Variants in SLCO1C1 observed in about 807,000 individuals in gnomAD.
SLCO1C1 encodes solute carrier organic anion transporter family member 1C1.
In SLCO1C1, 70 loss-of-function variants were observed where a neutral mutation model predicts 76.4. The ratio of observed to expected loss-of-function variants is 0.92; its 90% CI spans 0.76 to 1.12. SLCO1C1 has a LOEUF of 1.12. SLCO1C1 is among the 50% of genes most tolerant of loss of function. The pLI is 0.00. For missense variants in SLCO1C1, 912 were observed against 823.8 expected, an observed-to-expected ratio of 1.11 and a Z score of -1.31; for synonymous variants, 306 against 286.1, an observed-to-expected ratio of 1.07 and a Z score of -0.70.
At chr12:20,740,783 T>TATATA (rs1406774430) in intron 12 of SLCO1C1, among the ~76,000 whole-genome samples, 9,254 of 52,612 alleles carry the variant, frequency 0.18, 1,867 homozygotes, top group East Asian at 0.21. Flanking sequence ...AGAATTTATT[T>TATATA]TATTTATATA....
At chr12:20,726,819 C>A (rs546058007) in intron 9 of SLCO1C1, among the ~76,000 whole-genome samples, 3 of 152,224 alleles carry the variant, frequency 2.0e-5, no homozygotes, top group Non-Finnish European at 4.4e-5. Flanking sequence ...AGGTAGTGAG[C>A]ATAGTACCCA....
intron 14 of SLCO1C1, among the ~76,000 whole-genome samples, chr12:20,751,413 A>G (rs1949297931): frequency 7.9e-6 from 1 of 126,170 alleles, no homozygotes; most frequent in Non-Finnish European, 1.8e-5. Flanking sequence ...TGCAAAAAGC[A>G]TTGAAGCAAT....
chr12:20,724,847 T>C (rs1565524274), intron 9 of SLCO1C1, among the ~76,000 whole-genome samples: 2 of 145,868 alleles, frequency 1.4e-5, no homozygotes, highest in Admixed American at 6.9e-5. Flanking sequence ...TAATAGATAA[T>C]ATAATAATAT....
intron 3 of SLCO1C1, 35 bp downstream of exon 3, chr12:20,701,494 C>A: frequency 7.0e-7 from 1 of 1,421,362 alleles, no homozygotes; most frequent in Non-Finnish European, 9.4e-7. Context: ...TAATTTTAAG[C>A]CCAAGATCTT....
chr12:20,734,463 G>T (rs368777048), intron 10 of SLCO1C1, among the ~76,000 whole-genome samples: 1 of 152,160 alleles, frequency 6.6e-6, no homozygotes, highest in Non-Finnish European at 1.5e-5. Context: ...AAATCCTCAC[G>T]GTAGAGGGAC....
chr12:20,731,062 T>C (rs1948241941), intron 9 of SLCO1C1, among the ~76,000 whole-genome samples: 1 of 152,212 alleles, frequency 6.6e-6, no homozygotes, highest in Non-Finnish European at 1.5e-5. Flanking sequence ...TGCCTGTGAA[T>C]GATCAAAGGT....
At chr12:20,745,102 A>G (rs1293049527) in intron 13 of SLCO1C1, among the ~76,000 whole-genome samples, 1 of 152,224 alleles carries the variant, frequency 6.6e-6, no homozygotes, top group Non-Finnish European at 1.5e-5. Context: ...TAAAAAAGAA[A>G]CAATGGAAGC....
intron 7 of SLCO1C1, among the ~76,000 whole-genome samples, chr12:20,717,759 C>G (rs1947456704): frequency 7.5e-6 from 1 of 132,820 alleles, no homozygotes; most frequent in Non-Finnish European, 1.5e-5. Context: ...GGCTTTTCTT[C>G]TGGGACGTTG....
At chr12:20,697,856 T>C (rs1265100455) in intron 1 of SLCO1C1, among the ~76,000 whole-genome samples, 2 of 152,062 alleles carry the variant, frequency 1.3e-5, no homozygotes, top group Non-Finnish European at 2.9e-5. Flanking sequence ...TGTGCTGTTT[T>C]GTTACCAAGA....
At chr12:20,724,094 C>T (rs1030057999) in intron 9 of SLCO1C1, among the ~76,000 whole-genome samples, 5 of 151,874 alleles carry the variant, frequency 3.3e-5, no homozygotes, top group African/African-American at 1.2e-4. Flanking sequence ...AAAGATTTTT[C>T]TCCAAAATTC....
At chr12:20,713,456 G>A (rs1947228862) in intron 5 of SLCO1C1, among the ~76,000 whole-genome samples, 1 of 152,216 alleles carries the variant, frequency 6.6e-6, no homozygotes, top group Non-Finnish European at 1.5e-5. Flanking sequence ...GTGAAACATA[G>A]GGCTTAGACT....
Position 20,740,237 on chromosome 12 carries a change from C to G in SLCO1C1, c.1602C>G (p.Ser534=). 6.2e-7 allele frequency: 1 copy of G among 1,613,572 alleles called. No homozygotes were observed. The highest frequency in any genetic ancestry group is 8.5e-7 in the Non-Finnish European group (1 of 1,179,830). The change falls in exon 12 of 15, where the codon TCC becomes TCG. Residue 534 remains serine (S), a synonymous_variant. Coordinates refer to ENST00000266509, the MANE Select transcript of SLCO1C1 (RefSeq NM_017435.5). Reference sequence around the variant, plus strand: ...TTGCAGCTTCTAAATCCGGAAATTCCTCAGGCATAGTGGGAAGATGTCAGA... The same window carrying G: ...TTGCAGCTTCTAAATCCGGAAATTCGTCAGGCATAGTGGGAAGATGTCAGA... ...VGIAASKSGN[S]SGIVGRCQKD...
At chr12:20,710,888 C>T (rs1947057914) in intron 4 of SLCO1C1, among the ~76,000 whole-genome samples, 1 of 152,008 alleles carries the variant, frequency 6.6e-6, no homozygotes, top group Non-Finnish European at 1.5e-5. Flanking sequence ...TTTATAGTCA[C>T]TAGTTTGCTT....
At position 20,715,290 on chromosome 12, in the gene SLCO1C1, T is replaced by C; in HGVS notation, c.676+5T>C. Reference sequence around the variant, plus strand: ...ACAATGCAGCTTTCTATATTGGTAATATTGGCATATTGCTTCACTTATCTT... The same window carrying C: ...ACAATGCAGCTTTCTATATTGGTAACATTGGCATATTGCTTCACTTATCTT... On this transcript the variant is annotated splice_donor_5th_base_variant and intron_variant, in intron 6 of 14. Transcript: ENST00000266509. 6.2e-7 allele frequency: 1 copy of C among 1,613,304 alleles called. No individual in the cohort carries two copies. Among genetic ancestry groups the C allele is most frequent in the Non-Finnish European group, 8.5e-7 (1 of 1,179,610 alleles).
intron 13 of SLCO1C1, among the ~76,000 whole-genome samples, chr12:20,749,740 T>C (rs967563441): frequency 7.9e-5 from 12 of 152,220 alleles, no homozygotes; most frequent in African/African-American, 2.9e-4. Context: ...ACATGTTTCC[T>C]ACCGTGGTGA....
chr12:20,719,034 T>G (rs1202585573), intron 7 of SLCO1C1, among the ~76,000 whole-genome samples: 1 of 151,940 alleles, frequency 6.6e-6, no homozygotes, highest in Non-Finnish European at 1.5e-5. Flanking sequence ...ATTTTTCCGA[T>G]AGCATGTGTT....
intron 10 of SLCO1C1, among the ~76,000 whole-genome samples, chr12:20,735,527 C>G (rs1481971596): frequency 6.6e-6 from 1 of 152,166 alleles, no homozygotes; most frequent in East Asian, 1.9e-4. Flanking sequence ...CAGTTTTATA[C>G]TTTCAGATAA....
At chr12:20,701,564 C>CAA in intron 3 of SLCO1C1, 105 bp downstream of exon 3, 1 of 619,684 alleles carries the variant, frequency 1.6e-6, no homozygotes, top group Non-Finnish European at 2.3e-6. Flanking sequence ...AGACTCTATT[C>CAA]ATAAAATCTT....
chr12:20,699,744 G>C (rs1220678799), intron 2 of SLCO1C1, 39 bp downstream of exon 2: 1 of 1,571,208 alleles, frequency 6.4e-7, no homozygotes, highest in Non-Finnish European at 8.6e-7. Context: ...GATGCTCTTA[G>C]TTTTCTGTCC....
Sources: gnomAD v4.1 joint callset for allele counts (sites outside exome capture counted in the v4.1 genomes callset) on GRCh38, gnomAD v4.1.1 for gene constraint, MANE v1.5 for transcripts, NCBI Gene and HGNC (gene_info 2026-07-23, HGNC 2026-07-21) for gene names.